Variants in DLC1 observed in about 807,000 individuals in gnomAD.
The protein encoded by DLC1 is rho GTPase-activating protein 7.
In DLC1, 54 loss-of-function variants were observed where a neutral mutation model predicts 140.3. The observed-to-expected ratio is 0.38, with a 90% CI of 0.31 to 0.48. The LOEUF (loss-of-function observed/expected upper bound fraction) is 0.48, where lower values mean the gene tolerates loss of function less well. DLC1 is among the 20% of genes least tolerant of loss of function. The probability of loss-of-function intolerance (pLI) is 0.96; values close to 1 mark genes in which losing one functional copy is unlikely to be tolerated. For synonymous variants in DLC1, 986 were observed against 728.1 expected, an observed-to-expected ratio of 1.35 and a Z score of -5.70; for missense variants, 2,536 against 1,907.0, an observed-to-expected ratio of 1.33 and a Z score of -6.14.
chr8:13,270,781 A>C (rs1328805361), intron 5 of DLC1, among the ~76,000 whole-genome samples: 1 of 152,134 alleles, frequency 6.6e-6, no homozygotes, highest in Non-Finnish European at 1.5e-5. Flanking sequence ...CAAAAGCCCA[A>C]AGCCAATTAT....
At chr8:13,491,552 C>G (rs78590111) in intron 2 of DLC1, among the ~76,000 whole-genome samples, 5,230 of 152,236 alleles carry the variant, frequency 0.034, 295 homozygotes, top group African/African-American at 0.12. Flanking sequence ...TCATCCTTGT[C>G]CACTCCTCTC....
intron 2 of DLC1, among the ~76,000 whole-genome samples, chr8:13,486,837 T>A (rs1444976290): frequency 6.6e-6 from 1 of 152,206 alleles, no homozygotes; most frequent in African/African-American, 2.4e-5. Flanking sequence ...ATGCAAGGGA[T>A]GTCCTTGATG....
chr8:13,367,149 A>C (rs1360756560), intron 4 of DLC1, among the ~76,000 whole-genome samples: 1 of 152,048 alleles, frequency 6.6e-6, no homozygotes, highest in Non-Finnish European at 1.5e-5. Context: ...ACTCTTTTCT[A>C]ATTTTGGGTT....
chr8:13,218,080 T>C (rs1281022505), intron 5 of DLC1, among the ~76,000 whole-genome samples: 1 of 152,094 alleles, frequency 6.6e-6, no homozygotes, highest in East Asian at 1.9e-4. Flanking sequence ...CAAAAAGCAA[T>C]ATATAATAAT....
chr8:13,129,100 C>T (rs1351571940), intron 5 of DLC1, among the ~76,000 whole-genome samples: 4 of 152,124 alleles, frequency 2.6e-5, no homozygotes, highest in African/African-American at 9.7e-5. Context: ...GAATCTAAAC[C>T]CTTTTACATT....
intron 1 of DLC1, among the ~76,000 whole-genome samples, chr8:13,576,051 A>G (rs1416147274): frequency 2.0e-5 from 3 of 152,204 alleles, no homozygotes; most frequent in Admixed American, 1.3e-4. Flanking sequence ...GATGGAGCCA[A>G]TTGTTGCCCA....
chr8:13,406,262 C>T (rs555720370), intron 2 of DLC1, among the ~76,000 whole-genome samples: 2 of 148,708 alleles, frequency 1.3e-5, no homozygotes, highest in East Asian at 2.0e-4. Context: ...TCGTGATCCG[C>T]CCACCTCAGC....
rs374427525 is a variant in DLC1, at chr8:13,247,386, A to G, written c.1348+57883T>C. Among the ~76,000 whole-genome samples, 5 of 152,336 alleles carry G rather than the reference A, an allele frequency of 3.3e-5. No individual in the cohort carries two copies. The East Asian group carries it at 7.7e-4, about 24-fold the overall frequency. ...TACCTTTCAAAGAGTGGCATGCTCT[A>G]TGCAATTATGGTAGTTGTTAACAAT... is the stretch of plus-strand genomic sequence containing the variant. On this transcript the variant is annotated intron_variant, in intron 5 of 17. Coordinates refer to ENST00000276297, the MANE Select transcript of DLC1 (RefSeq NM_182643.3).
chr8:13,592,321 C>A (rs1564536), intron 1 of DLC1, among the ~76,000 whole-genome samples: 80,538 of 151,708 alleles, frequency 0.53, 23,086 homozygotes, highest in South Asian at 0.73. Context: ...GTGACATACC[C>A]TCTGTGTTAT....
chr8:13,369,370 A>AAAG (rs1835632676), intron 4 of DLC1, among the ~76,000 whole-genome samples: 1 of 151,878 alleles, frequency 6.6e-6, no homozygotes, highest in Admixed American at 6.6e-5. Context: ...AAAAAAAAAA[A>AAAG]AAAGATTACA....
In DLC1 at chr8:13,473,817, G is replaced by C. The variant is rs543433432; in HGVS notation, c.1023+25232C>G. On this transcript the variant is annotated intron_variant, in intron 2 of 17. Transcript: ENST00000276297. The stretch of plus-strand genomic sequence containing the variant: ...ACTTTGAACTTGAGAGAGATGATTT[G>C]TTATCTGGTGGAAGAAATTTCTAAG... Among the ~76,000 whole-genome samples, 93 of 152,112 alleles carry C rather than the reference G, an allele frequency of 6.1e-4. 1 individual carries two copies. Among genetic ancestry groups the C allele is most frequent in the Non-Finnish European group, 1.1e-3 (72 of 68,028 alleles).
chr8:13,270,936 G>A (rs2117380445), intron 5 of DLC1, among the ~76,000 whole-genome samples: 1 of 152,192 alleles, frequency 6.6e-6, no homozygotes, highest in East Asian at 1.9e-4. Context: ...TCATGACGTA[G>A]GTGCTGTTAT....
At position 13,213,928 on chromosome 8, in the gene DLC1, C is replaced by T. The variant is rs542316935; in HGVS notation, c.1348+91341G>A. Among the ~76,000 whole-genome samples the T allele has an allele frequency of 8.6e-5, 13 of 151,938 alleles. No individual in the cohort carries two copies. In the East Asian group the frequency reaches 1.9e-3, roughly 23 times the overall value. The stretch of plus-strand genomic sequence containing the variant: ...CCTCCTGAATAGCTGGGATTACAGG[C>T]GACTCCCACCATGCCTGGCTAATTT... On this transcript the variant is annotated intron_variant, in intron 5 of 17. Coordinates refer to ENST00000276297, the MANE Select transcript of DLC1 (RefSeq NM_182643.3).
intron 5 of DLC1, among the ~76,000 whole-genome samples, chr8:13,226,855 T>C (rs1379139053): frequency 6.6e-6 from 1 of 152,182 alleles, no homozygotes; most frequent in Non-Finnish European, 1.5e-5. Flanking sequence ...GTTTAGTAGA[T>C]TGTCCTGGGT....
chr8:13,563,312 C>T (rs1027838750), intron 1 of DLC1, among the ~76,000 whole-genome samples: 11 of 152,130 alleles, frequency 7.2e-5, no homozygotes, highest in Admixed American at 3.3e-4. Context: ...GATTTATCGT[C>T]ACTTGCTAGA....
chr8:13,106,505 G>A (rs1281272817), intron 7 of DLC1, among the ~76,000 whole-genome samples: 1 of 152,124 alleles, frequency 6.6e-6, no homozygotes, highest in African/African-American at 2.4e-5. Context: ...GCACCATCAT[G>A]CCTGGCTAAT....
At chr8:13,453,405 T>TGGG (rs1799170618) in intron 2 of DLC1, among the ~76,000 whole-genome samples, 1 of 21,564 alleles carries the variant, frequency 4.6e-5, no homozygotes, top group East Asian at 1.2e-3. Context: ...TATATATGTG[T>TGGG]ATATATATAT....
At chr8:13,245,174 C>T (rs1585993324) in intron 5 of DLC1, among the ~76,000 whole-genome samples, 1 of 152,292 alleles carries the variant, frequency 6.6e-6, no homozygotes, top group African/African-American at 2.4e-5. Context: ...CTGAGGTGGC[C>T]ACACTGTGAG....
intron 5 of DLC1, among the ~76,000 whole-genome samples, chr8:13,179,806 T>C (rs118121900): frequency 0.011 from 1,701 of 152,116 alleles, 13 homozygotes; most frequent in South Asian, 0.036. Context: ...AAGAAATAGA[T>C]ATTAAACTAT....
Sources: gnomAD v4.1 joint callset for allele counts (sites outside exome capture counted in the v4.1 genomes callset) on GRCh38, gnomAD v4.1.1 for gene constraint, MANE v1.5 for transcripts, NCBI Gene and HGNC (gene_info 2026-07-23, HGNC 2026-07-21) for gene names.